BLTP3B: variants seen among roughly 807,000 people sequenced by gnomAD.
BLTP3B encodes the protein bridge-like lipid transfer protein family member 3B.
chr12:100,069,325 G>A, the BLTP3B span, among the ~76,000 whole-genome samples: 5 of 152,080 alleles, frequency 3.3e-5, no homozygotes, highest in East Asian at 1.9e-4. Context: ...TTGCACACAC[G>A]TTTATAGCAG....
chr12:100,059,334 T>A, the BLTP3B span: 1 of 1,614,112 alleles, frequency 6.2e-7, no homozygotes, highest in Admixed American at 1.7e-5. Context: ...ATTAAAATTG[T>A]CACAAGATTT....
the BLTP3B span, among the ~76,000 whole-genome samples, chr12:100,106,999 T>C: frequency 6.6e-6 from 1 of 151,944 alleles, no homozygotes; most frequent in Non-Finnish European, 1.5e-5. Flanking sequence ...TAAAGATAAG[T>C]AGAGGTCAGC....
the BLTP3B span, among the ~76,000 whole-genome samples, chr12:100,074,473 C>T: frequency 2.6e-5 from 4 of 152,006 alleles, no homozygotes; most frequent in African/African-American, 9.7e-5. Context: ...GTGGCACACG[C>T]CTGTAATCCC....
At chr12:100,048,187 T>G in the BLTP3B span, 2 of 1,583,882 alleles carry the variant, frequency 1.3e-6, no homozygotes, top group Non-Finnish European at 1.7e-6. Context: ...TACAGCTTTC[T>G]GATCGGAACC....
chr12:100,083,071 G>A, the BLTP3B span: 13 of 1,613,686 alleles, frequency 8.1e-6, no homozygotes, highest in Non-Finnish European at 1.0e-5. Flanking sequence ...CATTAGCTTA[G>A]CTTTTGATTG....
At chr12:100,083,168 C>A in the BLTP3B span, 22 of 1,501,008 alleles carry the variant, frequency 1.5e-5, no homozygotes, top group Non-Finnish European at 2.0e-5. Context: ...CAATTCATTG[C>A]AAAATTATTT....
chr12:100,074,357 G>T, the BLTP3B span, among the ~76,000 whole-genome samples: 1 of 152,192 alleles, frequency 6.6e-6, no homozygotes, highest in Non-Finnish European at 1.5e-5. Flanking sequence ...CCAGCACGGT[G>T]AGAGGCTGAG....
chr12:100,109,833 T>C, the BLTP3B span, among the ~76,000 whole-genome samples: 1 of 152,010 alleles, frequency 6.6e-6, no homozygotes, highest in Non-Finnish European at 1.5e-5. Context: ...GGGTTTACTG[T>C]GTTCCAAGCT....
chr12:100,037,317 G>A, the BLTP3B span: 23 of 1,014,814 alleles, frequency 2.3e-5, no homozygotes, highest in Admixed American at 1.2e-4. Context: ...AAAAAATGCC[G>A]AAAATGAGAT....
chr12:100,071,630 C>T, the BLTP3B span, among the ~76,000 whole-genome samples: 1 of 150,364 alleles, frequency 6.7e-6, no homozygotes, highest in Non-Finnish European at 1.5e-5. Context: ...TCAAAGAATA[C>T]AAATGTACAA....
At chr12:100,047,537 A>G in the BLTP3B span, 3 of 1,606,208 alleles carry the variant, frequency 1.9e-6, no homozygotes, top group Non-Finnish European at 2.6e-6. Context: ...TACCTCTGAT[A>G]TGAAAAGAGC....
chr12:100,098,231 C>A, the BLTP3B span: 1 of 1,118,474 alleles, frequency 8.9e-7, no homozygotes. Context: ...GCACCCTCCC[C>A]AAAAAAAGTA....
At chr12:100,072,781 G>A in the BLTP3B span, 11 of 1,601,840 alleles carry the variant, frequency 6.9e-6, no homozygotes, top group Middle Eastern at 1.8e-3. Context: ...TCATGCTTTT[G>A]GGGGAAGAAC....
chr12:100,040,304 G>T, the BLTP3B span, among the ~76,000 whole-genome samples: 1 of 152,158 alleles, frequency 6.6e-6, no homozygotes, highest in Non-Finnish European at 1.5e-5. Context: ...GCCTAGCTGG[G>T]AGAACTGCTT....
At chr12:100,142,591 C>A in the BLTP3B span, 1 of 1,609,522 alleles carries the variant, frequency 6.2e-7, no homozygotes, top group Non-Finnish European at 8.5e-7. Context: ...CGCTCACTGA[C>A]CTGGAGAGGT....
the BLTP3B span, among the ~76,000 whole-genome samples, chr12:100,093,164 G>A: frequency 6.6e-6 from 1 of 152,302 alleles, no homozygotes; most frequent in Admixed American, 6.5e-5. Context: ...GGGCCCAGTG[G>A]TCTGTTTGCC....
the BLTP3B span, among the ~76,000 whole-genome samples, chr12:100,140,704 C>CAAAA: frequency 2.4e-3 from 81 of 33,750 alleles, no homozygotes; most frequent in African/African-American, 3.3e-3. Flanking sequence ...GACTCTGTCT[C>CAAAA]AAAAAAAAAA....
chr12:100,086,194 C>G, the BLTP3B span: 1 of 871,796 alleles, frequency 1.1e-6, no homozygotes, highest in Non-Finnish European at 1.6e-6. Flanking sequence ...CAAATAAAAG[C>G]AAGATAAAAC....
chr12:100,100,317 T>TA, the BLTP3B span, among the ~76,000 whole-genome samples: 1 of 151,506 alleles, frequency 6.6e-6, no homozygotes, highest in Non-Finnish European at 1.5e-5. Context: ...AAAATAAAAA[T>TA]AAAAAAATAA....
Sources: gnomAD v4.1 joint callset for allele counts (sites outside exome capture counted in the v4.1 genomes callset) on GRCh38, gnomAD v4.1.1 for gene constraint, MANE v1.5 for transcripts, NCBI Gene and HGNC (gene_info 2026-07-23, HGNC 2026-07-21) for gene names.